Variants in PTK2 observed in about 807,000 individuals in gnomAD.
PTK2 encodes the protein focal adhesion kinase 1.
Under a neutral mutation model 150.1 loss-of-function variants are expected in PTK2, and 45 were observed. That is an observed-to-expected ratio of 0.30 (90% CI 0.24 to 0.38). The LOEUF is 0.38. Among genes scored for constraint, PTK2 ranks in the 10% least tolerant of loss-of-function variants. PTK2 has a pLI of 1.00. For synonymous variants in PTK2, 432 were observed against 449.2 expected (o/e 0.96, Z 0.48); for missense variants, 919 against 1,307.3 (o/e 0.70, Z 4.58).
At chr8:140,867,675 T>G (rs995591065) in intron 4 of PTK2, among the ~76,000 whole-genome samples, 1 of 152,118 alleles carries the variant, frequency 6.6e-6, no homozygotes, top group Non-Finnish European at 1.5e-5. Context: ...TGAAATAATC[T>G]GTAAACCAAA....
chr8:140,939,485 A>C (rs2100174914), intron 1 of PTK2, among the ~76,000 whole-genome samples: 1 of 152,202 alleles, frequency 6.6e-6, no homozygotes, highest in African/African-American at 2.4e-5. Context: ...TTCCACACAA[A>C]TCCAACAGGT....
intron 26 of PTK2, among the ~76,000 whole-genome samples, chr8:140,695,078 G>A (rs1256736469): frequency 6.6e-6 from 1 of 152,182 alleles, no homozygotes; most frequent in East Asian, 1.9e-4. Context: ...ATTCCCATTT[G>A]CATATCCCAA....
exon 17 of PTK2, chr8:140,752,258 A>G: frequency 1.2e-6 from 2 of 1,614,108 alleles, no homozygotes; most frequent in Non-Finnish European, 1.7e-6. Context: ...TTTCTCTCTC[A>G]CGCTGTCCGA....
At chr8:140,712,816 C>A (rs1475777605) in intron 23 of PTK2, among the ~76,000 whole-genome samples, 3 of 152,150 alleles carry the variant, frequency 2.0e-5, no homozygotes, top group East Asian at 1.9e-4. Context: ...TTTCAAAATT[C>A]TAATTTTTGC....
chr8:140,964,525 G>A (rs2154609474), intron 1 of PTK2, among the ~76,000 whole-genome samples: 1 of 150,428 alleles, frequency 6.6e-6, no homozygotes, highest in East Asian at 2.0e-4. Flanking sequence ...CCACAGGTGG[G>A]CACCACCCCC....
intron 1 of PTK2, chr8:140,954,970 AT>A (rs2100180753): frequency 6.6e-6 from 1 of 152,204 alleles, no homozygotes; most frequent in Non-Finnish European, 1.5e-5. Flanking sequence ...TGAATGAAGA[AT>A]AACAAATTTG....
At chr8:140,691,423 T>C (rs1339638977) in intron 26 of PTK2, among the ~76,000 whole-genome samples, 1 of 152,206 alleles carries the variant, frequency 6.6e-6, no homozygotes, top group Non-Finnish European at 1.5e-5. Context: ...ACCACTGTAT[T>C]ATCATTTTAA....
intron 1 of PTK2, among the ~76,000 whole-genome samples, chr8:140,952,217 C>G (rs924124409): frequency 2.6e-5 from 4 of 152,116 alleles, no homozygotes. Context: ...GCGGGTTAAG[C>G]AGAGATGAAA....
intron 2 of PTK2, among the ~76,000 whole-genome samples, chr8:140,901,679 G>A (rs1160196256): frequency 1.4e-5 from 2 of 146,000 alleles, no homozygotes; most frequent in Non-Finnish European, 3.0e-5. Flanking sequence ...ATACTTTTAA[G>A]TTCTGGGATA....
At chr8:140,756,717 C>T (rs554715826) in intron 16 of PTK2, among the ~76,000 whole-genome samples, 22 of 149,248 alleles carry the variant, frequency 1.5e-4, no homozygotes, top group Non-Finnish European at 2.4e-4. Flanking sequence ...AGGCGGGGCG[C>T]GGTGGCTCAC....
chr8:140,844,758 A>G (rs1377822686), intron 7 of PTK2, among the ~76,000 whole-genome samples: 2 of 152,184 alleles, frequency 1.3e-5, no homozygotes, highest in African/African-American at 4.8e-5. Context: ...AGCACAGGGT[A>G]CCATAAGAGA....
chr8:140,765,540 TA>T (rs1419331212), intron 14 of PTK2, among the ~76,000 whole-genome samples: 1 of 152,236 alleles, frequency 6.6e-6, no homozygotes, highest in African/African-American at 2.4e-5. Flanking sequence ...TTAAGACAGT[TA>T]TTATCTGTAA....
intron 5 of PTK2, among the ~76,000 whole-genome samples, chr8:140,859,817 A>G (rs1233697331): frequency 7.6e-6 from 1 of 130,772 alleles, no homozygotes; most frequent in African/African-American, 2.9e-5. Flanking sequence ...TGATTTTGCA[A>G]CTTTGGAATT....
At chr8:140,824,685 T>C (rs141038515) in intron 8 of PTK2, among the ~76,000 whole-genome samples, 2 of 152,322 alleles carry the variant, frequency 1.3e-5, no homozygotes, top group Non-Finnish European at 2.9e-5. Context: ...AGTTCTTTCC[T>C]AATTACTCAG....
chr8:140,894,156 G>C (rs868804349), intron 2 of PTK2, among the ~76,000 whole-genome samples: 27 of 152,276 alleles, frequency 1.8e-4, no homozygotes, highest in Non-Finnish European at 3.1e-4. Context: ...AGGCCCTCAT[G>C]AATGGGATTA....
chr8:140,773,355 C>T (rs982397488), intron 14 of PTK2, among the ~76,000 whole-genome samples: 1 of 152,100 alleles, frequency 6.6e-6, no homozygotes, highest in East Asian at 1.9e-4. Flanking sequence ...ATTGAGCTTA[C>T]GTTCTAGTAA....
chr8:140,701,784 A>C (rs925987185), intron 25 of PTK2, among the ~76,000 whole-genome samples: 1 of 152,140 alleles, frequency 6.6e-6, no homozygotes, highest in African/African-American at 2.4e-5. Context: ...AAAGTTCATT[A>C]AACCTGAAAG....
At chr8:140,970,975 A>G (rs2100187057) in intron 1 of PTK2, among the ~76,000 whole-genome samples, 1 of 152,186 alleles carries the variant, frequency 6.6e-6, no homozygotes, top group African/African-American at 2.4e-5. Context: ...GAGGATACTG[A>G]TAACAACATC....
chr8:140,807,353 G>A (rs542393759), intron 10 of PTK2, among the ~76,000 whole-genome samples: 5 of 152,304 alleles, frequency 3.3e-5, no homozygotes, highest in African/African-American at 1.2e-4. Context: ...TGAGCAACAC[G>A]AGCTTAAGAC....
Sources: allele counts gnomAD v4.1 joint callset (sites outside exome capture counted in the v4.1 genomes callset), GRCh38; gene constraint gnomAD v4.1.1; transcripts MANE v1.5; gene names NCBI Gene and HGNC (gene_info 2026-07-23, HGNC 2026-07-21).